Variants in CDH20 observed in about 807,000 individuals in gnomAD.
The protein encoded by CDH20 is cadherin 20.
In CDH20, 29 loss-of-function variants were observed where a neutral mutation model predicts 74.2. That is an observed-to-expected ratio of 0.39 (90% confidence interval 0.29 to 0.53). The LOEUF is 0.53. Ranked by LOEUF, CDH20 falls within the 20% of genes least tolerant of loss-of-function variation. The pLI is 0.69. For missense variants in CDH20, 988 were observed against 1,048.3 expected, an observed-to-expected ratio of 0.94 and a Z score of 0.79; for synonymous variants, 469 against 405.4, an observed-to-expected ratio of 1.16 and a Z score of -1.88.
intron 1 of CDH20, among the ~76,000 whole-genome samples, chr18:61,469,647 T>A (rs934379339): frequency 6.6e-6 from 1 of 152,210 alleles, no homozygotes; most frequent in African/African-American, 2.4e-5. Context: ...AGGGAGCTTG[T>A]GGCATTTTGT....
intron 1 of CDH20, among the ~76,000 whole-genome samples, chr18:61,345,447 G>A (rs1910084978): frequency 6.6e-6 from 1 of 152,148 alleles, no homozygotes; most frequent in African/African-American, 2.4e-5. Context: ...GTCATCTGCT[G>A]TTAATGAAAC....
At chr18:61,368,891 TG>T (rs33933905) in intron 1 of CDH20, among the ~76,000 whole-genome samples, 150,053 of 150,056 alleles carry the variant, frequency 1, 75,025 homozygotes, top group Middle Eastern at 1. Flanking sequence ...CCAAATAAGT[TG>T]GGGAGTTCTA....
At chr18:61,344,838 A>T (rs1910063961) in intron 1 of CDH20, among the ~76,000 whole-genome samples, 1 of 152,180 alleles carries the variant, frequency 6.6e-6, no homozygotes, top group Admixed American at 6.5e-5. Flanking sequence ...AGAAAATTCC[A>T]ATGGTCAAGG....
At chr18:61,424,059 T>C (rs1163139426) in intron 1 of CDH20, among the ~76,000 whole-genome samples, 2 of 152,212 alleles carry the variant, frequency 1.3e-5, no homozygotes, top group African/African-American at 4.8e-5. Context: ...CTTGAGTATA[T>C]GCAACAGTGT....
intron 1 of CDH20, among the ~76,000 whole-genome samples, chr18:61,420,899 C>T (rs1213020954): frequency 6.6e-6 from 1 of 152,024 alleles, no homozygotes; most frequent in Non-Finnish European, 1.5e-5. Flanking sequence ...ACTAAAAATA[C>T]AAAAACTAGC....
At chr18:61,412,340 A>C (rs1018248446) in intron 1 of CDH20, among the ~76,000 whole-genome samples, 2 of 152,340 alleles carry the variant, frequency 1.3e-5, no homozygotes, top group Admixed American at 6.5e-5. Flanking sequence ...GTTATGTTAC[A>C]GAAAGTGCAG....
intron 1 of CDH20, among the ~76,000 whole-genome samples, chr18:61,446,519 G>C (rs2144328696): frequency 6.6e-6 from 1 of 152,180 alleles, no homozygotes; most frequent in East Asian, 1.9e-4. Flanking sequence ...GCCCTTTCCA[G>C]TACCTTATAA....
intron 9 of CDH20, among the ~76,000 whole-genome samples, chr18:61,541,175 A>T (rs558380282): frequency 6.6e-6 from 1 of 152,324 alleles, no homozygotes; most frequent in Admixed American, 6.5e-5. Context: ...CTGCAAGTGA[A>T]CAATGATCGA....
At position 61,499,279 on chromosome 18, in the gene CDH20, G is replaced by A; in HGVS notation, c.340G>A (p.Gly114Arg). The A allele has an allele frequency of 6.2e-7, 1 of 1,613,992 alleles. No individual in the cohort carries two copies. Among genetic ancestry groups the A allele is most frequent in the Non-Finnish European group, 8.5e-7 (1 of 1,179,914 alleles). ...GIVFTIDDTT[G>R]DIHAIQRLDR... is the part of the protein sequence containing the mutation. ...CGTGTTTACCATCGACGACACCACT[G>A]GAGACATCCACGCCATTCAGAGGCT... is the stretch of plus-strand genomic sequence containing the variant. The change falls in exon 3 of 12, where the codon GGA becomes AGA. Residue 114 changes from glycine to arginine, a missense_variant. Around this residue, in one of 2 missense-constraint regions of CDH20, gnomAD observed 613 missense variants for 755.2 expected, o/e 0.81. Coordinates refer to ENST00000262717, the MANE Select transcript of CDH20 (RefSeq NM_031891.4).
At chr18:61,496,123 C>T (rs1380097256) in intron 2 of CDH20, among the ~76,000 whole-genome samples, 9 of 58,910 alleles carry the variant, frequency 1.5e-4, no homozygotes, top group East Asian at 5.2e-4. Flanking sequence ...CCTTCCTCTC[C>T]CCCTCTCTCC....
chr18:61,349,427 C>A (rs1299077135), intron 1 of CDH20, among the ~76,000 whole-genome samples: 1 of 152,126 alleles, frequency 6.6e-6, no homozygotes, highest in African/African-American at 2.4e-5. Context: ...TATGAGACAT[C>A]CAGGAAATAG....
At chr18:61,472,471 G>A (rs1248867258) in intron 1 of CDH20, among the ~76,000 whole-genome samples, 4 of 152,186 alleles carry the variant, frequency 2.6e-5, no homozygotes, top group Admixed American at 2.6e-4. Flanking sequence ...CTGACATACA[G>A]TGGGAGCTGG....
chr18:61,463,241 T>G (rs1237940411), intron 1 of CDH20, among the ~76,000 whole-genome samples: 1 of 152,142 alleles, frequency 6.6e-6, no homozygotes, highest in Non-Finnish European at 1.5e-5. Flanking sequence ...TCCTTGCTTC[T>G]TCTAATCTCA....
intron 1 of CDH20, among the ~76,000 whole-genome samples, chr18:61,448,892 C>A (rs919669096): frequency 1.3e-5 from 2 of 152,148 alleles, no homozygotes; most frequent in African/African-American, 4.8e-5. Context: ...GGTTCCTCTA[C>A]GTAAAATCAA....
At chr18:61,528,361 T>TG in intron 7 of CDH20, 141 bp downstream of exon 7, 1 of 758,010 alleles carries the variant, frequency 1.3e-6, no homozygotes, top group African/African-American at 1.8e-5. Flanking sequence ...TTTGTGTTGT[T>TG]TTTTTTTTTT....
chr18:61,537,797 C>T (rs114614715), intron 8 of CDH20, among the ~76,000 whole-genome samples: 1 of 151,872 alleles, frequency 6.6e-6, no homozygotes, highest in African/African-American at 2.4e-5. Context: ...ATTATGGTAA[C>T]CAAGCAATAG....
At chr18:61,480,868 A>C (rs987742005) in intron 1 of CDH20, among the ~76,000 whole-genome samples, 1 of 152,226 alleles carries the variant, frequency 6.6e-6, no homozygotes, top group Non-Finnish European at 1.5e-5. Context: ...AGAACAAAAA[A>C]AGCATTTGTG....
At chr18:61,337,409 A>T (rs1183497032) in intron 1 of CDH20, among the ~76,000 whole-genome samples, 1 of 152,238 alleles carries the variant, frequency 6.6e-6, no homozygotes. Flanking sequence ...CAACTCAATC[A>T]ACATATATGC....
intron 1 of CDH20, among the ~76,000 whole-genome samples, chr18:61,471,147 A>T (rs552719671): frequency 1.3e-4 from 20 of 152,360 alleles, no homozygotes; most frequent in Middle Eastern, 3.4e-3. Flanking sequence ...TCTGAAAAAA[A>T]TGTGACTTTT....
Sources: gnomAD v4.1 joint callset for allele counts (sites outside exome capture counted in the v4.1 genomes callset) on GRCh38, gnomAD v4.1.1 for gene constraint, gnomAD v4.1.1 regional missense constraint, MANE v1.5 for transcripts, NCBI Gene and HGNC (gene_info 2026-07-23, HGNC 2026-07-21) for gene names.